The following SEMA3D variants were observed in gnomAD, a reference collection of about 807,000 sequenced individuals.
SEMA3D encodes the protein semaphorin-3D.
Under a neutral mutation model 100.1 loss-of-function variants are expected in SEMA3D, and 84 were observed. The ratio of observed to expected loss-of-function variants is 0.84; its 90% confidence interval spans 0.70 to 1.01. The LOEUF (loss-of-function observed/expected upper bound fraction) is 1.01. Among genes scored for constraint, SEMA3D ranks in the 50% least tolerant of loss-of-function variants. SEMA3D has a pLI of 0.00. For synonymous variants in SEMA3D, 312 were observed against 320.7 expected, an observed-to-expected ratio of 0.97 and a Z score of 0.29; for missense variants, 875 against 934.1, an observed-to-expected ratio of 0.94 and a Z score of 0.82.
chr7:85,079,089 C>T (rs922272579), intron 5 of SEMA3D, among the ~76,000 whole-genome samples: 4 of 152,042 alleles, frequency 2.6e-5, no homozygotes, highest in African/African-American at 7.2e-5. Flanking sequence ...ATTCAATCCC[C>T]GGCTTTACTA....
At chr7:85,248,005 G>C in the SEMA3D span, among the ~76,000 whole-genome samples, 1 of 151,844 alleles carries the variant, frequency 6.6e-6, no homozygotes, top group East Asian at 1.9e-4. Context: ...CATGCAAAAG[G>C]CATAATTCAT....
the SEMA3D span, among the ~76,000 whole-genome samples, chr7:85,213,304 AAT>A: frequency 6.6e-6 from 1 of 152,010 alleles, no homozygotes; most frequent in African/African-American, 2.4e-5. Flanking sequence ...TAGATTTTTG[AAT>A]AGTTTCTACA....
At chr7:85,211,082 T>C in the SEMA3D span, among the ~76,000 whole-genome samples, 1 of 152,072 alleles carries the variant, frequency 6.6e-6, no homozygotes, top group Non-Finnish European at 1.5e-5. Flanking sequence ...TCCCTGATTC[T>C]CTACAGTTCC....
chr7:85,057,727 G>A (rs1039452114), intron 8 of SEMA3D, among the ~76,000 whole-genome samples: 1 of 152,246 alleles, frequency 6.6e-6, no homozygotes, highest in East Asian at 1.9e-4. Context: ...GAGGTCAGTA[G>A]TTTGAGAACA....
At chr7:85,052,013 A>G (rs538975202) in intron 9 of SEMA3D, among the ~76,000 whole-genome samples, 30 of 152,072 alleles carry the variant, frequency 2.0e-4, no homozygotes, top group African/African-American at 7.0e-4. Context: ...TACCGTCATT[A>G]TAAGAGTGCT....
At chr7:85,015,998 C>A (rs1790089909) in intron 15 of SEMA3D, among the ~76,000 whole-genome samples, 1 of 151,572 alleles carries the variant, frequency 6.6e-6, no homozygotes, top group Non-Finnish European at 1.5e-5. Flanking sequence ...GGGGGGATAT[C>A]TATGTTAGAA....
intron 2 of SEMA3D, among the ~76,000 whole-genome samples, chr7:85,150,731 A>G (rs1381130792): frequency 6.6e-6 from 1 of 151,754 alleles, no homozygotes; most frequent in Admixed American, 6.6e-5. Context: ...CAGCTTTTCT[A>G]TATTTCAGTT....
rs150579800 is a variant in SEMA3D, at chr7:85,154,105, A to G, written c.-172-366T>C. ...ACACATAAAATCAACCATTACAGAA[A>G]CCCTTATCTGCTCCTTACTGCTTAC... On this transcript the variant is annotated intron_variant, in intron 1 of 18. Transcript: ENST00000284136. 2.7e-3 allele frequency among the ~76,000 whole-genome samples: 414 copies of G among 151,694 alleles called. 1 individual carries two copies. The highest frequency in any genetic ancestry group is 4.1e-3 in the Non-Finnish European group (279 of 67,904).
At chr7:85,137,374 G>GGT (rs905754548) in intron 2 of SEMA3D, among the ~76,000 whole-genome samples, 23 of 151,504 alleles carry the variant, frequency 1.5e-4, no homozygotes, top group East Asian at 5.8e-4. Context: ...CATACATAGG[G>GGT]GTGTGTGTGT....
At chr7:85,142,675 T>A (rs1161217289) in intron 2 of SEMA3D, 4 of 27,346 alleles carry the variant, frequency 1.5e-4, no homozygotes, top group African/African-American at 8.9e-4. Context: ...AAGGATGGCA[T>A]TTTTTTTTTT....
chr7:85,152,863 G>A (rs527367839), intron 2 of SEMA3D, among the ~76,000 whole-genome samples: 8 of 152,236 alleles, frequency 5.3e-5, no homozygotes, highest in African/African-American at 1.9e-4. Context: ...TAAAGCAAAA[G>A]TAGTCACTGA....
chr7:85,053,950 A>T (rs1242134417), intron 9 of SEMA3D, among the ~76,000 whole-genome samples: 4 of 151,634 alleles, frequency 2.6e-5, no homozygotes, highest in Middle Eastern at 3.4e-3. Context: ...TGTGTGTGTG[A>T]TGAGAAAACT....
At chr7:85,186,018 T>C (rs1174524072) in intron 1 of SEMA3D, among the ~76,000 whole-genome samples, 1 of 152,114 alleles carries the variant, frequency 6.6e-6, no homozygotes, top group African/African-American at 2.4e-5. Context: ...TCCCTCTAAA[T>C]CTAAAAGGAT....
the SEMA3D span, among the ~76,000 whole-genome samples, chr7:85,197,126 C>T: frequency 6.6e-6 from 1 of 152,016 alleles, no homozygotes; most frequent in Admixed American, 6.6e-5. Flanking sequence ...GTTTCTTTGC[C>T]ATATCTTGAA....
intron 3 of SEMA3D, among the ~76,000 whole-genome samples, chr7:85,106,055 T>C (rs537102735): frequency 1.3e-4 from 20 of 152,112 alleles, no homozygotes; most frequent in Admixed American, 2.6e-4. Context: ...TCCTTTTAAA[T>C]TTTCAAAAGC....
chr7:85,152,892 C>G (rs1366448147), intron 2 of SEMA3D, among the ~76,000 whole-genome samples: 1 of 152,074 alleles, frequency 6.6e-6, no homozygotes, highest in Non-Finnish European at 1.5e-5. Context: ...AAAGTCAAGT[C>G]TAGCAGCCTA....
At chr7:85,157,161 T>C (rs1790623902) in intron 1 of SEMA3D, among the ~76,000 whole-genome samples, 1 of 152,212 alleles carries the variant, frequency 6.6e-6, no homozygotes, top group Non-Finnish European at 1.5e-5. Context: ...ATTCTATTTC[T>C]TGTTTTTGTA....
chr7:85,121,728 T>C lies in SEMA3D; in HGVS notation c.151+13A>G, dbSNP rs374159305. ...ATCTTAATAAACAATTTAGAAAATATGTATATATTTACCTTTGTAGGTTAG... is the reference window on the plus strand; with the variant it reads ...ATCTTAATAAACAATTTAGAAAATACGTATATATTTACCTTTGTAGGTTAG... On this transcript the variant is annotated intron_variant, in intron 3 of 18. Transcript: ENST00000284136. The C allele has an allele frequency of 7.9e-6, 11 of 1,399,630 alleles. No individual in the cohort carries two copies. The highest frequency in any genetic ancestry group is 1.1e-5 in the Non-Finnish European group (11 of 1,023,674). 86.7% of individuals were successfully genotyped at this position (1,399,630 alleles called of 1,614,324 possible). A position where few individuals can be genotyped will look rare whatever the true frequency, so the allele number is the denominator to read the frequency against.
In SEMA3D at chr7:85,022,412, C is replaced by T. The variant is rs202240375; in HGVS notation, c.1393G>A (p.Asp465Asn). Residue 465 changes from aspartate to asparagine, a missense_variant, in exon 13 of 19, where the codon GAT (aspartate) becomes AAT (asparagine). Asp to Asn is a conservative substitution (Grantham distance 23). Coordinates refer to ENST00000284136, the MANE Select transcript of SEMA3D (RefSeq NM_001384900.1). ...TTACCTGTTCCAAGAAACATTACATCGTACTGGCCATCTTCTGCAATGACA... is the reference window on the plus strand; with the variant it reads ...TTACCTGTTCCAAGAAACATTACATTGTACTGGCCATCTTCTGCAATGACA... ...DHVIAEDGQYDVMFLGTDIGT... is the reference protein window; with the variant it reads ...DHVIAEDGQYNVMFLGTDIGT... The T allele has an allele frequency of 1.6e-5, 25 of 1,611,114 alleles. 1 individual carries two copies. The South Asian group carries it at 2.0e-4, about 13-fold the overall frequency.
Sources: allele counts gnomAD v4.1 joint callset (sites outside exome capture counted in the v4.1 genomes callset), GRCh38; gene constraint gnomAD v4.1.1; transcripts MANE v1.5; gene names NCBI Gene and HGNC (gene_info 2026-07-23, HGNC 2026-07-21).